The following STPG2 variants were observed in gnomAD, a reference collection of about 807,000 sequenced individuals.
STPG2 encodes sperm tail PG-rich repeat containing 2.
STPG2 carries 56 observed loss-of-function variants against 54.2 expected under a neutral mutation model. The observed-to-expected ratio is 1.03, with a 90% CI of 0.83 to 1.29. STPG2 has a LOEUF of 1.29. Among genes scored for constraint, STPG2 ranks in the 50% most tolerant of loss-of-function variants. The pLI is 0.00. For synonymous variants in STPG2, 200 were observed against 181.8 expected (o/e 1.10, Z -0.81); for missense variants, 596 against 544.9 (o/e 1.09, Z -0.93).
At chr4:97,504,635 C>T (rs1036543880) in intron 4 of STPG2, among the ~76,000 whole-genome samples, 1 of 151,886 alleles carries the variant, frequency 6.6e-6, no homozygotes, top group Non-Finnish European at 1.5e-5. Flanking sequence ...TCTGAATATT[C>T]TATTTTCTCC....
intron 8 of STPG2, among the ~76,000 whole-genome samples, chr4:97,901,182 T>A (rs907673714): frequency 6.6e-6 from 1 of 151,874 alleles, no homozygotes; most frequent in African/African-American, 2.4e-5. Context: ...CTACAGAATG[T>A]ACCTCAAAAT....
chr4:97,848,462 A>C (rs965402487), intron 8 of STPG2, among the ~76,000 whole-genome samples: 8 of 152,116 alleles, frequency 5.3e-5, no homozygotes, highest in Non-Finnish European at 1.0e-4. Context: ...ATTAGTGAAA[A>C]ATGACAGTAG....
intron 10 of STPG2, among the ~76,000 whole-genome samples, chr4:97,679,075 G>A (rs1324702217): frequency 2.6e-5 from 4 of 152,054 alleles, no homozygotes; most frequent in African/African-American, 9.7e-5. Flanking sequence ...GAATAGTGCT[G>A]CAATAAACAT....
chr4:97,486,174 G>T (rs1377234354), intron 4 of STPG2, among the ~76,000 whole-genome samples: 3 of 151,670 alleles, frequency 2.0e-5, no homozygotes, highest in African/African-American at 7.3e-5. Context: ...TAAATAACTG[G>T]GACTTAATTA....
chr4:98,059,568 C>T (rs1250946207), intron 5 of STPG2, among the ~76,000 whole-genome samples: 1 of 151,620 alleles, frequency 6.6e-6, no homozygotes, highest in Non-Finnish European at 1.5e-5. Flanking sequence ...CAATATCATC[C>T]TCATACCAAA....
chr4:97,851,466 C>T (rs1174179430), intron 8 of STPG2, among the ~76,000 whole-genome samples: 2 of 152,130 alleles, frequency 1.3e-5, no homozygotes, highest in Non-Finnish European at 2.9e-5. Flanking sequence ...TTAAATTTAC[C>T]TCACATGTAA....
intron 8 of STPG2, among the ~76,000 whole-genome samples, chr4:97,938,566 T>TGGTTGTGA (rs1331248233): frequency 3.3e-5 from 5 of 152,226 alleles, no homozygotes; most frequent in African/African-American, 1.2e-4. Context: ...AACAGCTCTG[T>TGGTTGTGA]GGTTGTGACC....
At chr4:97,476,437 T>A (rs1224759744) in intron 4 of STPG2, among the ~76,000 whole-genome samples, 1 of 152,152 alleles carries the variant, frequency 6.6e-6, no homozygotes, top group Non-Finnish European at 1.5e-5. Flanking sequence ...TAATACCATT[T>A]CTTTTTTCTT....
At chr4:97,996,309 C>T (rs749243274) in intron 5 of STPG2, among the ~76,000 whole-genome samples, 1 of 152,038 alleles carries the variant, frequency 6.6e-6, no homozygotes, top group Non-Finnish European at 1.5e-5. Context: ...CCATCTTAAC[C>T]ATCTGATCTT....
At chr4:97,453,632 T>G (rs1729435443) in intron 4 of STPG2, among the ~76,000 whole-genome samples, 1 of 152,208 alleles carries the variant, frequency 6.6e-6, no homozygotes, top group Non-Finnish European at 1.5e-5. Flanking sequence ...AGAGAGTCAA[T>G]TCAGGCCTCC....
intron 8 of STPG2, among the ~76,000 whole-genome samples, chr4:97,903,209 T>C (rs534316408): frequency 6.6e-6 from 1 of 152,280 alleles, no homozygotes; most frequent in Admixed American, 6.5e-5. Flanking sequence ...TAGATCTCAA[T>C]TATTCTAATT....
intron 9 of STPG2, among the ~76,000 whole-genome samples, chr4:97,719,680 G>A (rs1025268778): frequency 1.3e-5 from 2 of 151,768 alleles, no homozygotes; most frequent in Admixed American, 6.6e-5. Context: ...GCCTGCCTAC[G>A]GTAGAGCCTC....
chr4:97,573,486 G>C lies in STPG2; in HGVS notation c.1321-14369C>G, dbSNP rs189790158. Among the ~76,000 whole-genome samples the C allele has an allele frequency of 2.6e-5, 4 of 151,860 alleles. No homozygotes were observed. The East Asian group carries it at 7.7e-4, about 29-fold the overall frequency. ...GAAACATTCAGTGTTAGCTATAAAG[G>C]CTGCATGGTAGAAACAAGGATTTAT... On this transcript the variant is annotated intron_variant, in intron 10 of 10. Transcript: ENST00000295268.
chr4:97,478,616 T>C (rs1295845830), intron 4 of STPG2, among the ~76,000 whole-genome samples: 3 of 152,106 alleles, frequency 2.0e-5, no homozygotes, highest in Non-Finnish European at 4.4e-5. Context: ...TACTTTTTAA[T>C]TATTTTTGTA....
At chr4:97,684,043 T>C (rs2148981899) in intron 10 of STPG2, among the ~76,000 whole-genome samples, 1 of 151,940 alleles carries the variant, frequency 6.6e-6, no homozygotes, top group East Asian at 1.9e-4. Flanking sequence ...ACCTTTAAAC[T>C]TGACAAAATA....
chr4:97,562,001 G>A (rs545869663), intron 10 of STPG2, among the ~76,000 whole-genome samples: 1 of 152,208 alleles, frequency 6.6e-6, no homozygotes, highest in East Asian at 1.9e-4. Flanking sequence ...GCTTGATGGG[G>A]ATGGCATTAA....
rs28491536 is a variant in STPG2, at chr4:97,870,357, A to C, written c.1045-29425T>G. Among the ~76,000 whole-genome samples, 522 of 151,618 alleles carry C rather than the reference A, an allele frequency of 3.4e-3. 3 individuals carry two copies. Among genetic ancestry groups the C allele is most frequent in the African/African-American group, 0.012 (494 of 41,500 alleles). On this transcript the variant is annotated intron_variant, in intron 8 of 10. Transcript: ENST00000295268. ...GAATAAACTTAACTCACTTGTTAAA[A>C]TAAAATAATTTTCATATAGGTAACA...
intron 8 of STPG2, among the ~76,000 whole-genome samples, chr4:97,885,424 T>C (rs1730527161): frequency 6.6e-6 from 1 of 152,300 alleles, no homozygotes; most frequent in African/African-American, 2.4e-5. Context: ...AGTCAAACTC[T>C]TACCTAAAGA....
At position 97,910,375 on chromosome 4, in the gene STPG2, A is replaced by G. The variant is rs144390827; in HGVS notation, c.1044+33522T>C. The stretch of plus-strand genomic sequence containing the variant: ...CAAATCTGTGTATGAAATCCTGCAT[A>G]TACTCCCAAAAGACTCATAGGTGAA... On this transcript the variant is annotated intron_variant, in intron 8 of 10. Coordinates refer to ENST00000295268, the MANE Select transcript of STPG2 (RefSeq NM_174952.3). 4.0e-3 allele frequency among the ~76,000 whole-genome samples: 613 copies of G among 152,354 alleles called. 5 individuals carry two copies. The highest frequency in any genetic ancestry group is 0.014 in the African/African-American group (588 of 41,582).
Sources: allele counts gnomAD v4.1 joint callset (sites outside exome capture counted in the v4.1 genomes callset), GRCh38; gene constraint gnomAD v4.1.1; transcripts MANE v1.5; gene names NCBI Gene and HGNC (gene_info 2026-07-23, HGNC 2026-07-21).